EGF: variants seen among roughly 807,000 people sequenced by gnomAD.
The protein encoded by EGF is epidermal growth factor, also known as pro-epidermal growth factor.
Under a neutral mutation model 143.8 loss-of-function variants are expected in EGF, and 95 were observed. The observed-to-expected ratio is 0.66, with a 90% confidence interval of 0.56 to 0.78. The LOEUF (loss-of-function observed/expected upper bound fraction) is 0.78, where lower values mean the gene tolerates loss of function less well. Ranked by LOEUF, EGF falls within the 30% of genes least tolerant of loss-of-function variation. EGF has a pLI of 0.00. For synonymous variants in EGF, 510 were observed against 510.5 expected, an observed-to-expected ratio of 1.00 and a Z score of 0.01; for missense variants, 1,320 against 1,470.9, an observed-to-expected ratio of 0.90 and a Z score of 1.68.
chr4:109,957,410 A>G (rs1021181920), intron 5 of EGF, among the ~76,000 whole-genome samples: 1 of 152,232 alleles, frequency 6.6e-6, no homozygotes, highest in Non-Finnish European at 1.5e-5. Context: ...TAACCAATCC[A>G]CTATATATAT....
chr4:109,924,662 T>G (rs1264641761), intron 1 of EGF, among the ~76,000 whole-genome samples: 1 of 152,172 alleles, frequency 6.6e-6, no homozygotes, highest in African/African-American at 2.4e-5. Flanking sequence ...AACAAGTGGC[T>G]CAGACGCCTT....
chr4:109,970,856 T>G (rs2298991), intron 11 of EGF, among the ~76,000 whole-genome samples: 80,240 of 147,300 alleles, frequency 0.54, 24,633 homozygotes, highest in African/African-American at 0.83. Flanking sequence ...ATCTGTTGAT[T>G]TGTTTATCTG....
chr4:109,984,642 A>C (rs945051278), intron 16 of EGF, among the ~76,000 whole-genome samples: 1 of 152,160 alleles, frequency 6.6e-6, no homozygotes, highest in African/African-American at 2.4e-5. Context: ...AGTTGAAAAA[A>C]ATCCAGGTAT....
At chr4:109,993,569 A>C (rs1357928929) in intron 19 of EGF, among the ~76,000 whole-genome samples, 200 bp downstream of exon 19, 2 of 152,110 alleles carry the variant, frequency 1.3e-5, no homozygotes, top group Non-Finnish European at 2.9e-5. Context: ...ATCTGGAATA[A>C]ATCCTTTTTT....
At position 109,976,092 on chromosome 4, in the gene EGF, C is replaced by T; in HGVS notation, c.1910C>T (p.Ala637Val). Residue 637 changes from alanine (A) to valine (V), a missense_variant, in exon 13 of 24, where the codon GCC becomes GTC. This residue lies in a region of EGF where 1,186 missense variants were observed against 1,313.7 expected (regional missense o/e 0.90). Transcript: ENST00000265171. Reference sequence around the variant, plus strand: ...CAAGGCCTTGGCCGTCTGGTTATAGCCAGCTCTGATCTAATCTGGCCCAGT... The same window carrying T: ...CAAGGCCTTGGCCGTCTGGTTATAGTCAGCTCTGATCTAATCTGGCCCAGT... ...SLQGLGRLVI[A>V]SSDLIWPSGI... The T allele has an allele frequency of 1.2e-6, 2 of 1,614,086 alleles. No homozygotes were observed. The highest frequency in any genetic ancestry group is 2.2e-5 in the South Asian group (2 of 91,078).
chr4:109,943,003 G>A (rs761882407), intron 2 of EGF, among the ~76,000 whole-genome samples: 4 of 152,156 alleles, frequency 2.6e-5, no homozygotes, highest in Non-Finnish European at 5.9e-5. Context: ...TTTAAATAGT[G>A]TGTAGGATAA....
chr4:109,956,534 G>T (rs867510819), intron 5 of EGF, among the ~76,000 whole-genome samples: 15 of 152,056 alleles, frequency 9.9e-5, no homozygotes, highest in African/African-American at 3.6e-4. Flanking sequence ...GATGAATTTT[G>T]TCTCCAATAT....
chr4:109,940,230 A>G (rs779461646), intron 1 of EGF, among the ~76,000 whole-genome samples: 2 of 152,196 alleles, frequency 1.3e-5, no homozygotes, highest in African/African-American at 2.4e-5. Context: ...CAAGAAATCT[A>G]GTGAGGTTTG....
In EGF at chr4:109,987,763, T is replaced by C; in HGVS notation, c.2511T>C (p.Pro837=). 1.9e-6 allele frequency: 3 copies of C among 1,613,850 alleles called. No individual in the cohort carries two copies. In the Admixed American group the frequency reaches 5.0e-5, roughly 27 times the overall value. Reference sequence around the variant, plus strand: ...TTGTAGATCAAGATGACTGTGCTCCTGTGGGATGCAGCATGTATGCTCGGT... The same window carrying C: ...TTGTAGATCAAGATGACTGTGCTCCCGTGGGATGCAGCATGTATGCTCGGT... ...IMVSDQDDCA[P]VGCSMYARCI... Residue 837 remains proline, a synonymous_variant, in exon 17 of 24, where the codon CCT becomes CCC. Transcript: ENST00000265171.
At chr4:109,938,163 A>G (rs960741291) in intron 1 of EGF, among the ~76,000 whole-genome samples, 3 of 152,044 alleles carry the variant, frequency 2.0e-5, no homozygotes, top group Non-Finnish European at 4.4e-5. Flanking sequence ...TCAAATGTAG[A>G]TTTGGTCTTT....
chr4:109,941,423 T>C (rs1741908816), intron 2 of EGF, among the ~76,000 whole-genome samples: 1 of 152,192 alleles, frequency 6.6e-6, no homozygotes, highest in African/African-American at 2.4e-5. Context: ...ATGATTAAGA[T>C]AGATTATTTG....
At chr4:109,919,287 G>GTCTCTGTCTCTC (rs1386464228) in intron 1 of EGF, among the ~76,000 whole-genome samples, 1 of 75,906 alleles carries the variant, frequency 1.3e-5, no homozygotes, top group African/African-American at 4.9e-5. Context: ...ATGCTTCTCT[G>GTCTCTGTCTCTC]TCTCTCTCTC....
chr4:109,964,586 T>G (rs754998996), intron 10 of EGF, 49 bp downstream of exon 10: 1 of 1,611,950 alleles, frequency 6.2e-7, no homozygotes, highest in South Asian at 1.1e-5. Flanking sequence ...AAGGACAGAG[T>G]AGAGGATTTT....
intron 16 of EGF, among the ~76,000 whole-genome samples, 194 bp from the exon 17 acceptor site, chr4:109,987,550 C>G (rs1750315579): frequency 6.6e-6 from 1 of 152,182 alleles, no homozygotes; most frequent in Non-Finnish European, 1.5e-5. Flanking sequence ...AAGCATGAAC[C>G]ACTGCACCCA....
intron 21 of EGF, among the ~76,000 whole-genome samples, chr4:110,001,431 G>A (rs1195408612): frequency 6.6e-6 from 1 of 152,110 alleles, no homozygotes; most frequent in Non-Finnish European, 1.5e-5. Flanking sequence ...CAATAACATT[G>A]TAATTTTTAG....
intron 20 of EGF, among the ~76,000 whole-genome samples, chr4:109,996,864 T>G (rs1751863701): frequency 6.6e-6 from 1 of 152,174 alleles, no homozygotes; most frequent in Admixed American, 6.5e-5. Context: ...CCTCGTTCAT[T>G]CTGTCTTTCA....
chr4:109,946,443 G>A (rs1380198565), intron 5 of EGF, among the ~76,000 whole-genome samples: 4 of 152,140 alleles, frequency 2.6e-5, no homozygotes, highest in Non-Finnish European at 4.4e-5. Flanking sequence ...GGGTTTTGCA[G>A]TCTCTCTTCC....
intron 20 of EGF, among the ~76,000 whole-genome samples, 153 bp from the exon 21 acceptor site, chr4:109,999,526 G>A (rs534756988): frequency 2.6e-5 from 4 of 152,264 alleles, no homozygotes; most frequent in East Asian, 1.9e-4. Flanking sequence ...AAATCATAGC[G>A]CTTTCAACTG....
chr4:109,947,792 C>A (rs1476429590), intron 5 of EGF, among the ~76,000 whole-genome samples: 1 of 152,114 alleles, frequency 6.6e-6, no homozygotes, highest in African/African-American at 2.4e-5. Flanking sequence ...TTATATGTAA[C>A]CTCAGAATTT....
Sources: gnomAD v4.1 joint callset for allele counts (sites outside exome capture counted in the v4.1 genomes callset) on GRCh38, gnomAD v4.1.1 for gene constraint, gnomAD v4.1.1 regional missense constraint, MANE v1.5 for transcripts, NCBI Gene and HGNC (gene_info 2026-07-23, HGNC 2026-07-21) for gene names.